The following PRKN variants were observed in gnomAD, a reference collection of about 807,000 sequenced individuals.
PRKN encodes the protein E3 ubiquitin-protein ligase parkin.
In PRKN, 56 loss-of-function variants were observed where a neutral mutation model predicts 59.5. The observed-to-expected ratio is 0.94, with a 90% CI of 0.76 to 1.18. The LOEUF (loss-of-function observed/expected upper bound fraction) is 1.18. Among genes scored for constraint, PRKN ranks in the 50% most tolerant of loss-of-function variants. PRKN has a pLI of 0.00. For missense variants in PRKN, 657 were observed against 596.4 expected, an observed-to-expected ratio of 1.10 and a Z score of -1.06; for synonymous variants, 250 against 222.1, an observed-to-expected ratio of 1.13 and a Z score of -1.12.
intron 1 of PRKN, among the ~76,000 whole-genome samples, chr6:162,498,324 T>G (rs1269835552): frequency 6.7e-6 from 1 of 148,324 alleles, no homozygotes; most frequent in Non-Finnish European, 1.5e-5. Context: ...CAGGCAACAC[T>G]CAACATTTGA....
chr6:162,612,807 C>T (rs1782252339), intron 1 of PRKN, among the ~76,000 whole-genome samples: 2 of 152,038 alleles, frequency 1.3e-5, no homozygotes, highest in Admixed American at 1.3e-4. Context: ...AGGGAGGGTG[C>T]AGCTTCCAGG....
chr6:162,613,351 T>C (rs1782270178), intron 1 of PRKN, among the ~76,000 whole-genome samples: 1 of 152,242 alleles, frequency 6.6e-6, no homozygotes, highest in South Asian at 2.1e-4. Flanking sequence ...TAAGGGAATT[T>C]GTGTAATACC....
intron 2 of PRKN, among the ~76,000 whole-genome samples, chr6:162,366,085 T>C (rs1197590913): frequency 6.6e-6 from 1 of 152,234 alleles, no homozygotes; most frequent in African/African-American, 2.4e-5. Context: ...AATGGCAATT[T>C]ATATTGTCAC....
At chr6:162,086,308 T>C (rs1194107536) in intron 4 of PRKN, among the ~76,000 whole-genome samples, 1 of 152,114 alleles carries the variant, frequency 6.6e-6, no homozygotes, top group Non-Finnish European at 1.5e-5. Flanking sequence ...CTTTATGTTA[T>C]CAGATTTATT....
At chr6:161,996,237 T>C (rs1055194569) in intron 5 of PRKN, among the ~76,000 whole-genome samples, 1 of 152,076 alleles carries the variant, frequency 6.6e-6, no homozygotes, top group Non-Finnish European at 1.5e-5. Flanking sequence ...TGAAATCCTA[T>C]GCTTGCAGAA....
chr6:161,601,262 CA>C (rs764576621), intron 7 of PRKN, among the ~76,000 whole-genome samples: 26 of 152,100 alleles, frequency 1.7e-4, no homozygotes, highest in African/African-American at 2.4e-4. Flanking sequence ...CTGGGAAGTC[CA>C]AGATCAAGGT....
chr6:161,823,867 C>A (rs184120901), intron 6 of PRKN, among the ~76,000 whole-genome samples: 2 of 152,262 alleles, frequency 1.3e-5, no homozygotes, highest in South Asian at 2.1e-4. Context: ...GCTATGTATT[C>A]CCCAAAATTT....
chr6:161,571,630 T>G (rs1368572596), intron 7 of PRKN, among the ~76,000 whole-genome samples: 1 of 152,234 alleles, frequency 6.6e-6, no homozygotes, highest in African/African-American at 2.4e-5. Context: ...AAATGAATAC[T>G]TATGTAGGAT....
At chr6:162,071,721 G>A (rs375418077) in intron 4 of PRKN, among the ~76,000 whole-genome samples, 12 of 151,536 alleles carry the variant, frequency 7.9e-5, no homozygotes, top group African/African-American at 1.9e-4. Context: ...CACAGCCTCC[G>A]AGTAGCTGGG....
intron 2 of PRKN, among the ~76,000 whole-genome samples, chr6:162,376,809 AAGG>A (rs1313986826): frequency 1.2e-4 from 10 of 81,362 alleles, no homozygotes; most frequent in African/African-American, 5.2e-4. Context: ...AGAGAGGCAG[AAGG>A]AGAAGAACAG....
At chr6:162,408,992 C>T (rs1788211372) in intron 2 of PRKN, among the ~76,000 whole-genome samples, 1 of 151,576 alleles carries the variant, frequency 6.6e-6, no homozygotes, top group Non-Finnish European at 1.5e-5. Context: ...CCTGCCTCTC[C>T]CACTCCCCCT....
intron 2 of PRKN, among the ~76,000 whole-genome samples, chr6:162,370,294 T>C (rs1009360642): frequency 1.3e-5 from 2 of 152,122 alleles, no homozygotes; most frequent in African/African-American, 4.8e-5. Flanking sequence ...ATATATCTCA[T>C]TGACCCTTTC....
intron 6 of PRKN, among the ~76,000 whole-genome samples, chr6:161,836,293 T>C (rs1297515457): frequency 6.6e-6 from 1 of 152,196 alleles, no homozygotes; most frequent in Non-Finnish European, 1.5e-5. Flanking sequence ...CCCAGCAGCA[T>C]GCAGAGGTTC....
At chr6:161,740,928 C>T (rs1302877404) in intron 7 of PRKN, among the ~76,000 whole-genome samples, 1 of 152,214 alleles carries the variant, frequency 6.6e-6, no homozygotes, top group Non-Finnish European at 1.5e-5. Flanking sequence ...AAAATTGTCT[C>T]ACTCCCTGGA....
chr6:162,314,010 A>C (rs1782644032), intron 2 of PRKN, among the ~76,000 whole-genome samples: 1 of 152,216 alleles, frequency 6.6e-6, no homozygotes, highest in Admixed American at 6.5e-5. Context: ...AGAAGTACAC[A>C]AAACAACTCA....
Position 162,142,786 on chromosome 6 carries a change from G to A in PRKN, c.534+58345C>T, listed in dbSNP as rs146099223. Among the ~76,000 whole-genome samples the A allele has an allele frequency of 7.7e-3, 1,170 of 152,164 alleles. 10 individuals are homozygous for A. The highest frequency in any genetic ancestry group is 0.011 in the Non-Finnish European group (762 of 68,018). Reference sequence around the variant, plus strand: ...TTTACATTATTAATTCATTTTATCCGCTAACAACCATGTTTGAGGTAGATT... The same window carrying A: ...TTTACATTATTAATTCATTTTATCCACTAACAACCATGTTTGAGGTAGATT... On this transcript the variant is annotated intron_variant, in intron 4 of 11. Transcript: ENST00000366898.
chr6:162,420,738 A>G (rs1417798363), intron 2 of PRKN, among the ~76,000 whole-genome samples: 2 of 152,198 alleles, frequency 1.3e-5, no homozygotes, highest in Admixed American at 6.5e-5. Context: ...AGAGACATAA[A>G]AAGTGTAAGA....
intron 5 of PRKN, 129 bp downstream of exon 5, chr6:162,053,962 T>A: frequency 1.3e-6 from 1 of 776,876 alleles, no homozygotes; most frequent in Non-Finnish European, 2.3e-6. Context: ...TTAAATATCA[T>A]AACACTTTTG....
chr6:162,690,085 G>A (rs926586913), intron 1 of PRKN, among the ~76,000 whole-genome samples: 1 of 152,196 alleles, frequency 6.6e-6, no homozygotes, highest in African/African-American at 2.4e-5. Flanking sequence ...TTATTAGAAT[G>A]TACTCCATTA....
Sources: allele counts gnomAD v4.1 joint callset (sites outside exome capture counted in the v4.1 genomes callset), GRCh38; gene constraint gnomAD v4.1.1; transcripts MANE v1.5; gene names NCBI Gene and HGNC (gene_info 2026-07-23, HGNC 2026-07-21).